Variants in ZAR1L observed in about 807,000 individuals in gnomAD.
ZAR1L encodes the protein protein ZAR1-like.
Under a neutral mutation model 30.0 loss-of-function variants are expected in ZAR1L, and 16 were observed. The observed-to-expected ratio is 0.53, with a 90% confidence interval of 0.36 to 0.81. The LOEUF (loss-of-function observed/expected upper bound fraction) is 0.81, where lower values mean the gene tolerates loss of function less well. Ranked by LOEUF, ZAR1L falls within the 30% of genes least tolerant of loss-of-function variation. The pLI, the probability that ZAR1L is intolerant of heterozygous loss-of-function variation, is 0.00. For synonymous variants in ZAR1L, 197 were observed against 166.8 expected, an observed-to-expected ratio of 1.18 and a Z score of -1.40; for missense variants, 392 against 417.2, an observed-to-expected ratio of 0.94 and a Z score of 0.53.
intron 5 of ZAR1L, among the ~76,000 whole-genome samples, chr13:32,305,003 G>T (rs534067912): frequency 1.3e-5 from 2 of 151,900 alleles, no homozygotes; most frequent in African/African-American, 4.8e-5. Flanking sequence ...TAGAGATGGG[G>T]TTTCACCATG....
chr13:32,312,470 TA>T (rs2072221223), intron 2 of ZAR1L, among the ~76,000 whole-genome samples: 1 of 152,244 alleles, frequency 6.6e-6, no homozygotes, highest in South Asian at 2.1e-4. Flanking sequence ...TTGTTCGTTG[TA>T]GCATTATGCA....
At chr13:32,313,702 G>A (rs1414361947) in intron 2 of ZAR1L, among the ~76,000 whole-genome samples, 1 of 152,186 alleles carries the variant, frequency 6.6e-6, no homozygotes. Flanking sequence ...AAAGCATATT[G>A]TAAATTGAAT....
chr13:32,307,199 A>G (rs2072182055), intron 5 of ZAR1L, among the ~76,000 whole-genome samples: 1 of 152,046 alleles, frequency 6.6e-6, no homozygotes, highest in South Asian at 2.1e-4. Context: ...AAGTCATTGC[A>G]TTGTCTGTGA....
intron 2 of ZAR1L, among the ~76,000 whole-genome samples, chr13:32,313,478 C>A (rs879269602): frequency 2.0e-5 from 3 of 152,166 alleles, no homozygotes; most frequent in African/African-American, 7.2e-5. Context: ...GTGATTCTCC[C>A]ACCTCAGCCT....
Position 32,310,700 on chromosome 13 carries a change from C to T in ZAR1L, c.686G>A (p.Cys229Tyr). The T allele has an allele frequency of 6.4e-7, 1 of 1,551,514 alleles. No homozygotes were observed. The highest frequency in any genetic ancestry group is 1.2e-5 in the South Asian group (1 of 84,046). Residue 229 changes from cysteine (C) to tyrosine (Y), a missense_variant, in exon 4 of 6, where the codon TGT (cysteine) becomes TAT (tyrosine). Coordinates refer to ENST00000533490, the MANE Select transcript of ZAR1L (RefSeq NM_001136571.2). ...FLEPKYGYFHCKDCKTRWESA... is the reference protein window; with the variant it reads ...FLEPKYGYFHYKDCKTRWESA... ...CTCCCACCTGGTCTTACAATCTTTACAGTGGAAATAGCCATATTTTGGTTC... is the reference window on the plus strand; with the variant it reads ...CTCCCACCTGGTCTTACAATCTTTATAGTGGAAATAGCCATATTTTGGTTC...
intron 5 of ZAR1L, among the ~76,000 whole-genome samples, 189 bp downstream of exon 5, chr13:32,308,497 C>T (rs1041972139): frequency 1.3e-5 from 2 of 152,206 alleles, no homozygotes; most frequent in African/African-American, 4.8e-5. Context: ...AATAGTGAAT[C>T]TTCCCCTCTT....
At chr13:32,313,444 G>A (rs1239449085) in intron 2 of ZAR1L, among the ~76,000 whole-genome samples, 4 of 152,206 alleles carry the variant, frequency 2.6e-5, no homozygotes, top group African/African-American at 9.7e-5. Context: ...TCGGCTCACT[G>A]CAACTTCCGC....
At chr13:32,310,614 C>T (rs1196632627) in intron 4 of ZAR1L, 25 bp downstream of exon 4, 2 of 1,492,322 alleles carry the variant, frequency 1.3e-6, no homozygotes, top group East Asian at 2.5e-5. Flanking sequence ...CCATCCTCCT[C>T]TCACCTCCTA....
chr13:32,311,718 C>A lies in ZAR1L; in HGVS notation c.208G>T (p.Ala70Ser), dbSNP rs758632750. 7.7e-6 allele frequency: 12 copies of A among 1,551,630 alleles called. No homozygotes were observed. Among genetic ancestry groups the A allele is most frequent in the Middle Eastern group, 1.7e-4 (1 of 5,990 alleles). The change falls in exon 3 of 6, where the codon GCC becomes TCC. Residue 70 changes from alanine (A) to serine (S), a missense_variant. By Grantham distance (99) the Ala-to-Ser change is moderately conservative. Coordinates refer to ENST00000533490, the MANE Select transcript of ZAR1L (RefSeq NM_001136571.2). The stretch of plus-strand genomic sequence containing the variant: ...CTGGGGTTCATCTGGGAGAGAATGG[C>A]CTTAAGCTGCGCCCTCTTGTAAGGG... ...IDPYKRAQLKAILSQMNPSLS... is the reference protein window; with the variant it reads ...IDPYKRAQLKSILSQMNPSLS...
rs1363786712 is a variant in ZAR1L, at chr13:32,311,945, C to A, written c.-20G>T. On this transcript the variant is annotated 5_prime_UTR_variant, in exon 3 of 6. Transcript: ENST00000533490. ...CTCCATCCGCTCTCAGGTGCTCAGG[C>A]GCAGTCTAATATCCTAGCCAGTTTG... The A allele has an allele frequency of 1.3e-6, 2 of 1,531,082 alleles. No individual in the cohort carries two copies. Among genetic ancestry groups the A allele is most frequent in the South Asian group, 1.2e-5 (1 of 80,534 alleles). The allele number at this position is 1,531,082 out of a possible 1,614,324, so 94.8% of individuals were successfully genotyped here. A position where few individuals can be genotyped will look rare whatever the true frequency, so the allele number is the denominator to read the frequency against.
At chr13:32,314,244 A>G (rs946296321) in intron 2 of ZAR1L, 86 bp downstream of exon 2, 2 of 152,260 alleles carry the variant, frequency 1.3e-5, no homozygotes, top group African/African-American at 4.8e-5. Context: ...TTTAGAATCT[A>G]TCTGCATTAG....
At chr13:32,308,324 A>G (rs2072190356) in intron 5 of ZAR1L, among the ~76,000 whole-genome samples, 1 of 152,240 alleles carries the variant, frequency 6.6e-6, no homozygotes, top group South Asian at 2.1e-4. Context: ...TAGGAATAAC[A>G]TCTCCCACAA....
chr13:32,313,241 GT>G (rs2072226916), intron 2 of ZAR1L, among the ~76,000 whole-genome samples: 1 of 152,176 alleles, frequency 6.6e-6, no homozygotes, highest in Non-Finnish European at 1.5e-5. Flanking sequence ...CAAAAGAAAG[GT>G]AATTATGTGA....
chr13:32,314,291 CA>C (rs1477639054), intron 2 of ZAR1L, 38 bp downstream of exon 2: 2 of 152,198 alleles, frequency 1.3e-5, no homozygotes, highest in Non-Finnish European at 2.9e-5. Context: ...TACTGATTAT[CA>C]AACTAAAATG....
intron 2 of ZAR1L, among the ~76,000 whole-genome samples, chr13:32,313,436 G>C (rs182263420): frequency 1.0e-3 from 155 of 152,276 alleles, no homozygotes; most frequent in African/African-American, 3.6e-3. Flanking sequence ...GCATGATTTC[G>C]GCTCACTGCA....
At chr13:32,306,472 G>T (rs193212887) in intron 5 of ZAR1L, among the ~76,000 whole-genome samples, 215 of 152,268 alleles carry the variant, frequency 1.4e-3, no homozygotes, top group African/African-American at 4.9e-3. Context: ...AAGGCAGAGA[G>T]AAGTAAGCAG....
At chr13:32,315,078 A>T (rs762121872) in intron 1 of ZAR1L, among the ~76,000 whole-genome samples, 18 of 152,096 alleles carry the variant, frequency 1.2e-4, no homozygotes, top group Admixed American at 1.3e-4. Context: ...CCACACACCG[A>T]CCACTCTAAG....
rs1389025625 is a variant in ZAR1L, at chr13:32,303,703, G to A, written c.*176C>T. ...CCAATTAATGTGGCTTCATGGTCTAGTTCACATGCATTTATTTTATTCTAT... is the reference window on the plus strand; with the variant it reads ...CCAATTAATGTGGCTTCATGGTCTAATTCACATGCATTTATTTTATTCTAT... On this transcript the variant is annotated 3_prime_UTR_variant, in exon 6 of 6. Coordinates refer to ENST00000533490, the MANE Select transcript of ZAR1L (RefSeq NM_001136571.2). 7.1e-6 allele frequency: 4 copies of A among 563,632 alleles called. No individual in the cohort carries two copies. In the East Asian group the frequency reaches 1.2e-4, roughly 18 times the overall value. The allele number at this position is 563,632 out of a possible 1,614,324, so 34.9% of individuals were successfully genotyped here. A position where few individuals can be genotyped will look rare whatever the true frequency, so the allele number is the denominator to read the frequency against.
At position 32,311,807 on chromosome 13, in the gene ZAR1L, G is replaced by A. The variant is rs1321285118; in HGVS notation, c.119C>T (p.Pro40Leu). Residue 40 changes from proline (P) to leucine (L), a missense_variant, in exon 3 of 6, where the codon CCT (proline) becomes CTT (leucine). By Grantham distance (98) the Pro-to-Leu change is moderately conservative. Transcript: ENST00000533490. ...KQPDWRQNMG[P>L]PTFLARPGLL... ...CCCTGGCCTGGCCAGAAAAGTGGGA[G>A]GACCCATATTTTGCCTCCAGTCGGG... is the stretch of plus-strand genomic sequence containing the variant. 4 of 1,551,586 alleles carry A rather than the reference G, an allele frequency of 2.6e-6. No individual in the cohort carries two copies. Among genetic ancestry groups the A allele is most frequent in the Non-Finnish European group, 2.6e-6 (3 of 1,147,020 alleles).
Sources: gnomAD v4.1 joint callset for allele counts (sites outside exome capture counted in the v4.1 genomes callset) on GRCh38, gnomAD v4.1.1 for gene constraint, MANE v1.5 for transcripts, NCBI Gene and HGNC (gene_info 2026-07-23, HGNC 2026-07-21) for gene names.